The following SLC5A12 variants were observed in gnomAD, a reference collection of about 807,000 sequenced individuals.
SLC5A12 encodes sodium-coupled monocarboxylate transporter 2.
A neutral mutation model predicts 72.7 loss-of-function variants in SLC5A12; 46 were observed. The observed-to-expected ratio is 0.63, with a 90% CI of 0.50 to 0.81. SLC5A12 has a LOEUF of 0.81. Ranked by LOEUF, SLC5A12 falls within the 30% of genes least tolerant of loss-of-function variation. The probability of loss-of-function intolerance (pLI) is 0.00; values close to 1 mark genes in which losing one functional copy is unlikely to be tolerated. For missense variants in SLC5A12, 683 were observed against 740.7 expected (o/e 0.92, Z 0.90); for synonymous variants, 275 against 264.4 (o/e 1.04, Z -0.39).
Position 26,709,295 on chromosome 11 carries a change from C to A in SLC5A12, c.525+17G>T. On this transcript the variant is annotated intron_variant, in intron 4 of 14. Transcript: ENST00000396005. ...TAGGAGGTAGTGTTAAATACTTCTTCACAGCTAGATACATACCAGGGTACA... is the reference window on the plus strand; with the variant it reads ...TAGGAGGTAGTGTTAAATACTTCTTAACAGCTAGATACATACCAGGGTACA... The A allele has an allele frequency of 6.3e-7, 1 of 1,593,092 alleles. No homozygotes were observed. The highest frequency in any genetic ancestry group is 8.6e-7 in the Non-Finnish European group (1 of 1,165,198).
In SLC5A12 at chr11:26,711,331, C is replaced by A. The variant is rs1309869194; in HGVS notation, c.433G>T (p.Ala145Ser). 1.2e-6 allele frequency: 2 copies of A among 1,611,712 alleles called. No individual in the cohort carries two copies. Among genetic ancestry groups the A allele is most frequent in the Non-Finnish European group, 1.7e-6 (2 of 1,178,590 alleles). ...CCTTGATTGAGTGCCAGGGCAGGAG[C>A]ATACACCACCACTCCTGTGTAGAGA... ...TILYTGVVVYAPALALNQVTG... is the reference protein window; with the variant it reads ...TILYTGVVVYSPALALNQVTG... The change falls in exon 3 of 15, where the codon GCT becomes TCT. Residue 145 changes from alanine to serine, a missense_variant. Coordinates refer to ENST00000396005, the MANE Select transcript of SLC5A12 (RefSeq NM_178498.4).
intron 9 of SLC5A12, among the ~76,000 whole-genome samples, chr11:26,687,161 G>A (rs1318753081): frequency 2.6e-5 from 4 of 151,984 alleles, no homozygotes; most frequent in African/African-American, 4.8e-5. Flanking sequence ...ATGAAAGCTC[G>A]CTAAATGAAT....
At chr11:26,690,013 GA>G (rs1854628210) in intron 9 of SLC5A12, among the ~76,000 whole-genome samples, 3 of 152,190 alleles carry the variant, frequency 2.0e-5, no homozygotes, top group Admixed American at 6.5e-5. Context: ...GGAGTTGAAA[GA>G]GGAAGATGTG....
intron 13 of SLC5A12, among the ~76,000 whole-genome samples, chr11:26,677,672 T>C (rs1854296451): frequency 6.6e-6 from 1 of 152,194 alleles, no homozygotes. Flanking sequence ...TTATAGTCTA[T>C]TCTTTATCAT....
intron 1 of SLC5A12, among the ~76,000 whole-genome samples, chr11:26,716,645 G>A (rs1855356328): frequency 6.6e-6 from 1 of 152,054 alleles, no homozygotes; most frequent in African/African-American, 2.4e-5. Flanking sequence ...CTACTTTTCA[G>A]GTTGGTTCGA....
At chr11:26,712,051 G>T (rs951418990) in intron 2 of SLC5A12, among the ~76,000 whole-genome samples, 1 of 152,054 alleles carries the variant, frequency 6.6e-6, no homozygotes. Context: ...TGGGAGTTTT[G>T]ATTAAGAAGA....
intron 3 of SLC5A12, among the ~76,000 whole-genome samples, chr11:26,710,762 A>G (rs1401694585): frequency 6.6e-6 from 1 of 152,086 alleles, no homozygotes; most frequent in Non-Finnish European, 1.5e-5. Flanking sequence ...TCTGAGGTTA[A>G]TATTTCTCAG....
intron 3 of SLC5A12, among the ~76,000 whole-genome samples, chr11:26,709,823 T>A (rs1169593548): frequency 2.0e-5 from 3 of 152,112 alleles, no homozygotes; most frequent in African/African-American, 4.8e-5. Context: ...AACAACCCAC[T>A]TCTCTTCTCT....
chr11:26,673,495 T>A lies in SLC5A12; in HGVS notation c.1614A>T (p.Leu538Phe), dbSNP rs1290906358. 1 of 1,611,322 alleles carries A rather than the reference T, an allele frequency of 6.2e-7. No individual in the cohort carries two copies. The highest frequency in any genetic ancestry group is 8.5e-7 in the Non-Finnish European group (1 of 1,178,738). Residue 538 changes from leucine to phenylalanine, a missense_variant, in exon 14 of 15, where the codon TTA becomes TTT. Leu to Phe is a conservative substitution (Grantham distance 22). Coordinates refer to ENST00000396005, the MANE Select transcript of SLC5A12 (RefSeq NM_178498.4). ...RQRGEDIQPL[L>F]IRPVCNLFCF... ...AAAATAAATTACAAACTGGTCTAAT[T>A]AACAGTGGTTGAATATCCTCACCTC...
At chr11:26,720,821 C>T (rs1471280290) in intron 1 of SLC5A12, among the ~76,000 whole-genome samples, 1 of 151,992 alleles carries the variant, frequency 6.6e-6, no homozygotes, top group Non-Finnish European at 1.5e-5. Context: ...ATGTTTTGTA[C>T]TTTTCAAAAA....
intron 12 of SLC5A12, among the ~76,000 whole-genome samples, chr11:26,679,548 A>C (rs1213945237): frequency 6.6e-6 from 1 of 152,140 alleles, no homozygotes; most frequent in Non-Finnish European, 1.5e-5. Context: ...AATGAACTTT[A>C]TGGAGGAATA....
chr11:26,679,149 G>A (rs1426176714), intron 12 of SLC5A12, among the ~76,000 whole-genome samples: 1 of 152,030 alleles, frequency 6.6e-6, no homozygotes, highest in South Asian at 2.1e-4. Context: ...ACAAGCATTA[G>A]TGATATAAAG....
intron 14 of SLC5A12, 71 bp downstream of exon 14, chr11:26,673,331 G>A (rs751116188): frequency 2.0e-5 from 28 of 1,370,752 alleles, no homozygotes; most frequent in East Asian, 5.4e-5. Flanking sequence ...CTTTGCAGCC[G>A]GTTTAAATGG....
At chr11:26,693,607 T>C (rs1279672716) in intron 8 of SLC5A12, among the ~76,000 whole-genome samples, 1 of 152,132 alleles carries the variant, frequency 6.6e-6, no homozygotes, top group Non-Finnish European at 1.5e-5. Context: ...AGATAATATA[T>C]TCAATTCAAG....
intron 6 of SLC5A12, among the ~76,000 whole-genome samples, chr11:26,703,054 G>A (rs1436710135): frequency 6.6e-6 from 1 of 152,110 alleles, no homozygotes; most frequent in Non-Finnish European, 1.5e-5. Flanking sequence ...GAGGCCTTCA[G>A]CTACTTCTAT....
rs1052504315 is a variant in SLC5A12, at chr11:26,721,628, G to C, written c.87C>G (p.Ala29=). ...FISSGIGVFF[A]IKERKKATSR... is the part of the protein sequence containing the mutation. ...AAGTTGCCTTTTTTCTCTCCTTAAT[G>C]GCAAAGAACACCCCAATTCCAGAGG... The change falls in exon 1 of 15, where the codon GCC becomes GCG. Residue 29 remains alanine (A), a synonymous_variant. Coordinates refer to ENST00000396005, the MANE Select transcript of SLC5A12 (RefSeq NM_178498.4). The C allele has an allele frequency of 6.2e-7, 1 of 1,614,084 alleles. No homozygotes were observed. Among genetic ancestry groups the C allele is most frequent in the South Asian group, 1.1e-5 (1 of 91,066 alleles).
intron 8 of SLC5A12, among the ~76,000 whole-genome samples, chr11:26,693,994 A>G (rs1402438106): frequency 6.6e-6 from 1 of 152,180 alleles, no homozygotes; most frequent in Non-Finnish European, 1.5e-5. Flanking sequence ...TTGTCTCAAT[A>G]TACTTCTTGT....
chr11:26,671,097 T>C lies in SLC5A12; in HGVS notation c.*5A>G. The C allele has an allele frequency of 3.7e-6, 6 of 1,608,020 alleles. No homozygotes were observed. Among genetic ancestry groups the C allele is most frequent in the Non-Finnish European group, 5.1e-6 (6 of 1,176,836 alleles). On this transcript the variant is annotated 3_prime_UTR_variant, in exon 15 of 15. Transcript: ENST00000396005. ...GTGTGTGTGTGCATTCATACAGGTA[T>C]TGCCTTAGAAATGGGTAGTCTCAAA...
intron 1 of SLC5A12, among the ~76,000 whole-genome samples, chr11:26,714,074 T>A (rs1333345345): frequency 6.7e-6 from 1 of 150,212 alleles, no homozygotes; most frequent in Non-Finnish European, 1.5e-5. Flanking sequence ...CAAAATCCTT[T>A]AATCACATTT....
Sources: gnomAD v4.1 joint callset for allele counts (sites outside exome capture counted in the v4.1 genomes callset) on GRCh38, gnomAD v4.1.1 for gene constraint, MANE v1.5 for transcripts, NCBI Gene and HGNC (gene_info 2026-07-23, HGNC 2026-07-21) for gene names.